The following TMEM117 variants were observed in gnomAD, a reference collection of about 807,000 sequenced individuals.
The protein encoded by TMEM117 is transmembrane protein 117.
A neutral mutation model predicts 52.4 loss-of-function variants in TMEM117; 27 were observed. The observed-to-expected ratio is 0.51, with a 90% CI of 0.38 to 0.71. The LOEUF is 0.71. Among genes scored for constraint, TMEM117 ranks in the 30% least tolerant of loss-of-function variants. The pLI is 0.00. For missense variants in TMEM117, 556 were observed against 630.5 expected (o/e 0.88, Z 1.26); for synonymous variants, 215 against 206.3 (o/e 1.04, Z -0.36).
intron 3 of TMEM117, among the ~76,000 whole-genome samples, chr12:44,114,205 T>C (rs1170666361): frequency 1.3e-5 from 2 of 152,052 alleles, no homozygotes; most frequent in Non-Finnish European, 2.9e-5. Flanking sequence ...ACCGGAGCTG[T>C]TCCTATTCGG....
intron 4 of TMEM117, among the ~76,000 whole-genome samples, chr12:44,207,072 G>T (rs1949578472): frequency 6.6e-6 from 1 of 152,120 alleles, no homozygotes; most frequent in South Asian, 2.1e-4. Context: ...ATATTGTTAA[G>T]TAGAAATAAA....
intron 5 of TMEM117, among the ~76,000 whole-genome samples, chr12:44,283,509 T>G (rs1297729230): frequency 6.6e-6 from 1 of 152,168 alleles, no homozygotes; most frequent in Non-Finnish European, 1.5e-5. Flanking sequence ...CCACTGGATT[T>G]CAGACTTACA....
intron 2 of TMEM117, among the ~76,000 whole-genome samples, chr12:43,913,346 A>G (rs144281725): frequency 3.9e-4 from 60 of 152,340 alleles, no homozygotes; most frequent in African/African-American, 1.1e-3. Context: ...AACAATGTCT[A>G]GTAACAAAAA....
chr12:44,280,081 T>G (rs1950559735), intron 5 of TMEM117, among the ~76,000 whole-genome samples: 1 of 152,148 alleles, frequency 6.6e-6, no homozygotes, highest in Admixed American at 6.5e-5. Context: ...TTTCCCTATA[T>G]ATACTTTTTA....
At position 44,152,128 on chromosome 12, in the gene TMEM117, A is replaced by C. The variant is rs1948740597; in HGVS notation, c.510+8504A>C. Among the ~76,000 whole-genome samples, 3 of 112,808 alleles carry C rather than the reference A, an allele frequency of 2.7e-5. No homozygotes were observed. In the South Asian group the frequency reaches 8.1e-4, roughly 30 times the overall value. 74.0% of individuals were successfully genotyped at this position (112,808 alleles called of 152,430 possible). A position where few individuals can be genotyped will look rare whatever the true frequency, so the allele number is the denominator to read the frequency against. On this transcript the variant is annotated intron_variant, in intron 4 of 7. Transcript: ENST00000266534. ...AATATATAATATAAATGTATATTAT[A>C]TATTTATATTATTTATATATTTATA...
chr12:44,140,443 T>C (rs1948555104), intron 3 of TMEM117, among the ~76,000 whole-genome samples: 1 of 152,120 alleles, frequency 6.6e-6, no homozygotes. Flanking sequence ...TATTTATTAA[T>C]TCTCCACTGG....
At chr12:44,014,990 A>G (rs1374908156) in intron 3 of TMEM117, among the ~76,000 whole-genome samples, 1 of 152,044 alleles carries the variant, frequency 6.6e-6, no homozygotes, top group Non-Finnish European at 1.5e-5. Context: ...AGGAGATTTT[A>G]TTTGTTGAGA....
intron 4 of TMEM117, among the ~76,000 whole-genome samples, chr12:44,171,010 T>G (rs2138282817): frequency 6.8e-6 from 1 of 147,712 alleles, no homozygotes; most frequent in South Asian, 2.1e-4. Context: ...TATTAACAAA[T>G]ATCTTTTTTT....
intron 5 of TMEM117, chr12:44,249,073 C>T (rs1357769554): frequency 6.6e-6 from 1 of 152,158 alleles, no homozygotes; most frequent in Non-Finnish European, 1.5e-5. Flanking sequence ...TCTGAAGAGG[C>T]CTCAAGGACC....
At chr12:43,940,055 A>C (rs374062698) in intron 2 of TMEM117, among the ~76,000 whole-genome samples, 4 of 152,134 alleles carry the variant, frequency 2.6e-5, no homozygotes, top group Non-Finnish European at 5.9e-5. Flanking sequence ...CCCTCCTACA[A>C]CACTTGGGAA....
intron 2 of TMEM117, among the ~76,000 whole-genome samples, chr12:43,891,342 ATTTC>A (rs1040372430): frequency 2.6e-5 from 3 of 113,708 alleles, no homozygotes; most frequent in African/African-American, 6.2e-5. Flanking sequence ...ATCTTCTAAC[ATTTC>A]TTTTGGGAAA....
intron 4 of TMEM117, among the ~76,000 whole-genome samples, chr12:44,178,404 T>C (rs1949144964): frequency 6.6e-6 from 1 of 152,234 alleles, no homozygotes; most frequent in African/African-American, 2.4e-5. Flanking sequence ...TGCATTCTTT[T>C]AATAGACGTT....
At chr12:44,272,948 A>G (rs1268563515) in intron 5 of TMEM117, among the ~76,000 whole-genome samples, 1 of 152,222 alleles carries the variant, frequency 6.6e-6, no homozygotes, top group African/African-American at 2.4e-5. Flanking sequence ...GCTATTCACA[A>G]TAGCAAAGAC....
chr12:43,871,825 C>T (rs938314763), intron 2 of TMEM117, among the ~76,000 whole-genome samples: 5 of 152,320 alleles, frequency 3.3e-5, no homozygotes, highest in African/African-American at 1.2e-4. Context: ...CAGCACAGTA[C>T]TAGGCCCTAT....
At chr12:44,117,436 G>T (rs1948163612) in intron 3 of TMEM117, among the ~76,000 whole-genome samples, 1 of 152,072 alleles carries the variant, frequency 6.6e-6, no homozygotes, top group Non-Finnish European at 1.5e-5. Context: ...CTATTTGCAG[G>T]ATGTGTTGAT....
chr12:44,028,148 G>C (rs1273794899), intron 3 of TMEM117, among the ~76,000 whole-genome samples: 2 of 152,088 alleles, frequency 1.3e-5, no homozygotes, highest in African/African-American at 4.8e-5. Flanking sequence ...AGCCGAGATC[G>C]CACCACTGCA....
intron 3 of TMEM117, among the ~76,000 whole-genome samples, chr12:44,037,044 G>A: frequency 6.6e-6 from 1 of 152,136 alleles, no homozygotes; most frequent in East Asian, 1.9e-4. Context: ...GGGAGGTGTG[G>A]CCAGGGCTGC....
At chr12:43,939,661 GGTCATT>G (rs1460944934) in intron 2 of TMEM117, among the ~76,000 whole-genome samples, 12 of 152,160 alleles carry the variant, frequency 7.9e-5, no homozygotes, top group Non-Finnish European at 1.8e-4. Context: ...GATCTACTCA[GGTCATT>G]GTGCACCTAA....
the TMEM117 span, among the ~76,000 whole-genome samples, chr12:43,803,004 T>C: frequency 1.4e-4 from 22 of 152,160 alleles, no homozygotes; most frequent in Non-Finnish European, 2.6e-4. Context: ...AGTAAAACTG[T>C]TAATCTACTA....
Sources: gnomAD v4.1 joint callset for allele counts (sites outside exome capture counted in the v4.1 genomes callset) on GRCh38, gnomAD v4.1.1 for gene constraint, MANE v1.5 for transcripts, NCBI Gene and HGNC (gene_info 2026-07-23, HGNC 2026-07-21) for gene names.